The following SPMIP6 variants were observed in gnomAD, a reference collection of about 807,000 sequenced individuals.
The protein encoded by SPMIP6 is ciliated bronchial epithelial protein 1.
the SPMIP6 span, among the ~76,000 whole-genome samples, chr9:34,388,529 A>G: frequency 2.0e-5 from 3 of 152,302 alleles, no homozygotes; most frequent in African/African-American, 7.2e-5. Context: ...AGAGAAGACT[A>G]GGATTACCAG....
chr9:34,394,938 T>G, the SPMIP6 span, among the ~76,000 whole-genome samples: 1 of 151,654 alleles, frequency 6.6e-6, no homozygotes, highest in Non-Finnish European at 1.5e-5. Context: ...ACCACCATAC[T>G]GCCAAAAGCA....
the SPMIP6 span, among the ~76,000 whole-genome samples, chr9:34,388,141 C>CT: frequency 8.9e-5 from 12 of 135,026 alleles, no homozygotes; most frequent in African/African-American, 1.9e-4. Flanking sequence ...AGTTTAACTG[C>CT]TTTTTTTTTT....
At chr9:34,381,135 C>A in the SPMIP6 span, 1 of 1,577,656 alleles carries the variant, frequency 6.3e-7, no homozygotes, top group Admixed American at 1.8e-5. This position sits in a 1 kb window ranked among gnomAD's most constrained non-coding sequence, Gnocchi z 4.4. Context: ...TCGCGCTCTG[C>A]TCCCGCGGGT....
the SPMIP6 span, among the ~76,000 whole-genome samples, chr9:34,397,258 GA>G: frequency 2.0e-5 from 3 of 151,944 alleles, no homozygotes; most frequent in Admixed American, 2.0e-4. Context: ...CAGTATTTTT[GA>G]AGAATTTATA....
the SPMIP6 span, chr9:34,379,078 A>G: frequency 6.3e-7 from 1 of 1,587,812 alleles, no homozygotes; most frequent in Admixed American, 1.7e-5. This position sits in a 1 kb window ranked among gnomAD's most constrained non-coding sequence, Gnocchi z 4.2. Flanking sequence ...CCCAGGCTCT[A>G]CCAGCAACGA....
the SPMIP6 span, chr9:34,379,908 C>G: frequency 1.8e-6 from 1 of 570,316 alleles, no homozygotes; most frequent in Non-Finnish European, 3.1e-6. The surrounding 1 kb of genome is among the most constrained non-coding windows in gnomAD (Gnocchi z 4.2). Flanking sequence ...GGGAACCCCC[C>G]TTGGAAGACT....
the SPMIP6 span, among the ~76,000 whole-genome samples, chr9:34,392,095 C>T: frequency 1.3e-5 from 2 of 151,998 alleles, no homozygotes; most frequent in African/African-American, 2.4e-5. This position sits in a 1 kb window ranked among gnomAD's most constrained non-coding sequence, Gnocchi z 4.6. Context: ...TTTTTTGAGA[C>T]AGGGTCTTAC....
chr9:34,380,726 C>T, the SPMIP6 span: 5 of 1,548,532 alleles, frequency 3.2e-6, no homozygotes, highest in East Asian at 7.3e-5. Flanking sequence ...GTTGTTAGTT[C>T]AGGCCTTGGA....
At chr9:34,380,558 G>C in the SPMIP6 span, 1 of 1,298,272 alleles carries the variant, frequency 7.7e-7, no homozygotes, top group South Asian at 1.5e-5. Context: ...CAAGGAGATG[G>C]GGGAAGAGGA....
At chr9:34,379,883 C>T in the SPMIP6 span, 11 of 604,072 alleles carry the variant, frequency 1.8e-5, no homozygotes, top group East Asian at 2.9e-5. The surrounding 1 kb of genome is among the most constrained non-coding windows in gnomAD (Gnocchi z 4.2). Flanking sequence ...AAAACCCCCA[C>T]TGCAGCACCG....
the SPMIP6 span, among the ~76,000 whole-genome samples, chr9:34,383,293 G>C: frequency 6.6e-6 from 1 of 152,216 alleles, no homozygotes; most frequent in Non-Finnish European, 1.5e-5. Flanking sequence ...GGAGGCCAGG[G>C]CAGGCAGATC....
At chr9:34,384,333 G>C in the SPMIP6 span, among the ~76,000 whole-genome samples, 1 of 152,204 alleles carries the variant, frequency 6.6e-6, no homozygotes, top group Admixed American at 6.5e-5. Flanking sequence ...GAGGGTGCAG[G>C]ATAACACCCT....
chr9:34,395,354 C>T, the SPMIP6 span, among the ~76,000 whole-genome samples: 4 of 152,220 alleles, frequency 2.6e-5, no homozygotes, highest in African/African-American at 9.6e-5. Context: ...AGAGTTACTA[C>T]ATCCGAGAGA....
the SPMIP6 span, among the ~76,000 whole-genome samples, chr9:34,382,266 T>C: frequency 6.6e-6 from 1 of 152,126 alleles, no homozygotes; most frequent in African/African-American, 2.4e-5. Context: ...CAGCCCTACT[T>C]TTGGGTTCCT....
the SPMIP6 span, chr9:34,380,825 GA>G: frequency 1.4e-6 from 2 of 1,444,168 alleles, no homozygotes; most frequent in Non-Finnish European, 9.4e-7. Context: ...GGCCGGGCTG[GA>G]AGGGGGCGGG....
chr9:34,395,580 TCACC>T, the SPMIP6 span, among the ~76,000 whole-genome samples: 1 of 152,346 alleles, frequency 6.6e-6, no homozygotes, highest in Middle Eastern at 3.4e-3. Context: ...TCCTATGACT[TCACC>T]CACCATTTAT....
chr9:34,391,126 T>C, the SPMIP6 span, among the ~76,000 whole-genome samples: 2 of 152,226 alleles, frequency 1.3e-5, no homozygotes, highest in Non-Finnish European at 2.9e-5. Context: ...TAAATCGTTA[T>C]AGGAGCATTC....
chr9:34,396,857 A>G, the SPMIP6 span, among the ~76,000 whole-genome samples: 1 of 152,106 alleles, frequency 6.6e-6, no homozygotes, highest in Non-Finnish European at 1.5e-5. Context: ...TCCCTTTTGT[A>G]TCCTGGGTTG....
At chr9:34,387,292 C>T in the SPMIP6 span, among the ~76,000 whole-genome samples, 1 of 152,134 alleles carries the variant, frequency 6.6e-6, no homozygotes, top group African/African-American at 2.4e-5. Context: ...TGAGCCACCA[C>T]ACCTGGCCCT....
Sources: gnomAD v4.1 joint callset for allele counts (sites outside exome capture counted in the v4.1 genomes callset) on GRCh38, gnomAD v4.1.1 for gene constraint, Gnocchi (gnomAD v3.1) non-coding constraint, MANE v1.5 for transcripts, NCBI Gene and HGNC (gene_info 2026-07-23, HGNC 2026-07-21) for gene names.